Variants in PRKCE observed in about 807,000 individuals in gnomAD.
The protein encoded by PRKCE is protein kinase C epsilon type.
Under a neutral mutation model 85.4 loss-of-function variants are expected in PRKCE, and 16 were observed. The ratio of observed to expected loss-of-function variants is 0.19; its 90% CI spans 0.13 to 0.28. The LOEUF is 0.28. PRKCE is among the 10% of genes least tolerant of loss of function. The probability of loss-of-function intolerance (pLI) is 1.00; values close to 1 mark genes in which losing one functional copy is unlikely to be tolerated. For missense variants in PRKCE, 573 were observed against 975.2 expected (o/e 0.59, Z 5.49); for synonymous variants, 388 against 371.5 (o/e 1.04, Z -0.51).
At chr2:45,733,813 G>A (rs564350258) in intron 1 of PRKCE, among the ~76,000 whole-genome samples, 13 of 152,264 alleles carry the variant, frequency 8.5e-5, no homozygotes, top group African/African-American at 2.6e-4. Context: ...TGGTGACCTC[G>A]GTGGGCTCTT....
intron 6 of PRKCE, among the ~76,000 whole-genome samples, chr2:45,993,424 AT>A (rs894601349): frequency 3.3e-5 from 5 of 152,194 alleles, no homozygotes; most frequent in African/African-American, 9.6e-5. Context: ...TGTGATTGAG[AT>A]TTTTTTTACA....
At chr2:45,842,148 C>A (rs1691402996) in intron 1 of PRKCE, among the ~76,000 whole-genome samples, 1 of 152,164 alleles carries the variant, frequency 6.6e-6, no homozygotes, top group African/African-American at 2.4e-5. Context: ...GAGGCCCAGC[C>A]CTCTGGCTTT....
chr2:45,980,363 G>A lies in PRKCE; in HGVS notation c.675G>A (p.Lys225=). 1 of 1,599,702 alleles carries A rather than the reference G, an allele frequency of 6.3e-7. No homozygotes were observed. Among genetic ancestry groups the A allele is most frequent in the Non-Finnish European group, 8.5e-7 (1 of 1,179,942 alleles). The change falls in exon 5 of 15, where the codon AAG becomes AAA. Residue 225 remains lysine, a synonymous_variant. Coordinates refer to ENST00000306156, the MANE Select transcript of PRKCE (RefSeq NM_005400.3). ...TCACAAAGTGTGCTGGGTTAAAGAAGCAGGAGACCCCCGACCAGGTAAGTG... is the reference window on the plus strand; with the variant it reads ...TCACAAAGTGTGCTGGGTTAAAGAAACAGGAGACCCCCGACCAGGTAAGTG... The part of the protein sequence containing the change: ...LIITKCAGLK[K]QETPDQVGSQ...
At chr2:45,990,297 A>G (rs73926143) in intron 6 of PRKCE, among the ~76,000 whole-genome samples, 16 of 152,338 alleles carry the variant, frequency 1.1e-4, no homozygotes, top group African/African-American at 2.6e-4. Context: ...GCTTCCTTCA[A>G]TGCAAACAAG....
chr2:46,156,172 C>T (rs570888154), intron 13 of PRKCE, among the ~76,000 whole-genome samples: 5 of 152,214 alleles, frequency 3.3e-5, no homozygotes, highest in African/African-American at 1.2e-4. Flanking sequence ...CTCCAGGGTT[C>T]TGCATCAGGC....
chr2:46,115,859 G>GT (rs1672716341), intron 11 of PRKCE, among the ~76,000 whole-genome samples: 1 of 152,112 alleles, frequency 6.6e-6, no homozygotes, highest in South Asian at 2.1e-4. Flanking sequence ...TTTGCCTTCT[G>GT]TTTTCTCTTT....
At chr2:45,855,676 T>A (rs1394568171) in intron 2 of PRKCE, among the ~76,000 whole-genome samples, 1 of 152,300 alleles carries the variant, frequency 6.6e-6, no homozygotes, top group East Asian at 1.9e-4. Context: ...TCCTGTGAAG[T>A]AAGGATTTTC....
At chr2:45,764,384 A>G (rs1291302958) in intron 1 of PRKCE, among the ~76,000 whole-genome samples, 1 of 152,246 alleles carries the variant, frequency 6.6e-6, no homozygotes, top group African/African-American at 2.4e-5. Flanking sequence ...AGAAATGGTT[A>G]TGGCTAGTAA....
At chr2:45,996,506 C>T (rs1704230330) in intron 6 of PRKCE, among the ~76,000 whole-genome samples, 1 of 152,090 alleles carries the variant, frequency 6.6e-6, no homozygotes, top group African/African-American at 2.4e-5. Context: ...AGGAAATTCT[C>T]TTCAGTTCCT....
intron 1 of PRKCE, among the ~76,000 whole-genome samples, chr2:45,814,623 A>C (rs1313762422): frequency 1.3e-5 from 2 of 152,246 alleles, no homozygotes; most frequent in Non-Finnish European, 2.9e-5. Context: ...GATCTGGAAG[A>C]AAACGAGGAG....
chr2:45,926,750 A>G (rs1698652616), intron 2 of PRKCE, among the ~76,000 whole-genome samples: 1 of 152,232 alleles, frequency 6.6e-6, no homozygotes, highest in Non-Finnish European at 1.5e-5. Flanking sequence ...TGTGGGCCAG[A>G]GGCACCAAAA....
intron 2 of PRKCE, among the ~76,000 whole-genome samples, chr2:45,948,897 CAT>C (rs1437347891): frequency 6.6e-6 from 1 of 152,156 alleles, no homozygotes; most frequent in Non-Finnish European, 1.5e-5. Flanking sequence ...TTAAATGGAA[CAT>C]AATTTTATAG....
chr2:45,909,884 C>T (rs1229087011), intron 2 of PRKCE, among the ~76,000 whole-genome samples: 4 of 152,220 alleles, frequency 2.6e-5, no homozygotes, highest in African/African-American at 9.7e-5. Flanking sequence ...TTTCCCCAAA[C>T]CTTATTTAGG....
intron 1 of PRKCE, among the ~76,000 whole-genome samples, chr2:45,684,018 C>T (rs898597011): frequency 2.6e-5 from 4 of 152,216 alleles, no homozygotes; most frequent in African/African-American, 9.7e-5. Context: ...CCATAAACAA[C>T]TTCAGACCAC....
intron 2 of PRKCE, among the ~76,000 whole-genome samples, chr2:45,943,727 C>T (rs1558866658): frequency 6.6e-6 from 1 of 152,168 alleles, no homozygotes; most frequent in Non-Finnish European, 1.5e-5. Context: ...CACGTCTTAG[C>T]AGAAACCAAG....
At chr2:45,664,543 C>T (rs1406975457) in intron 1 of PRKCE, among the ~76,000 whole-genome samples, 2 of 152,184 alleles carry the variant, frequency 1.3e-5, no homozygotes, top group African/African-American at 4.8e-5. Context: ...ATGTCCCTCC[C>T]TCTTGGAAAT....
chr2:46,018,167 G>C (rs969114582), intron 10 of PRKCE, among the ~76,000 whole-genome samples: 1 of 152,194 alleles, frequency 6.6e-6, no homozygotes, highest in East Asian at 1.9e-4. Context: ...AAGAGAGAAA[G>C]GAGGAAAAAG....
chr2:45,873,715 C>T (rs1465833498), intron 2 of PRKCE, among the ~76,000 whole-genome samples: 1 of 152,216 alleles, frequency 6.6e-6, no homozygotes, highest in African/African-American at 2.4e-5. Context: ...TCCACTCTCC[C>T]ATGTTCCAGG....
intron 1 of PRKCE, among the ~76,000 whole-genome samples, chr2:45,657,772 C>G (rs1275994216): frequency 6.6e-6 from 1 of 152,190 alleles, no homozygotes; most frequent in African/African-American, 2.4e-5. Flanking sequence ...GGCCTATACC[C>G]TGTTTGGACT....
Sources: gnomAD v4.1 joint callset for allele counts (sites outside exome capture counted in the v4.1 genomes callset) on GRCh38, gnomAD v4.1.1 for gene constraint, MANE v1.5 for transcripts, NCBI Gene and HGNC (gene_info 2026-07-23, HGNC 2026-07-21) for gene names.